SYNE2: variants seen among roughly 807,000 people sequenced by gnomAD.
The protein encoded by SYNE2 is spectrin repeat containing nuclear envelope protein 2, also known as nesprin-2.
In SYNE2, 431 loss-of-function variants were observed where a neutral mutation model predicts 856.3. That is an observed-to-expected ratio of 0.50 (90% CI 0.47 to 0.55). The LOEUF (loss-of-function observed/expected upper bound fraction) is 0.55, where lower values mean the gene tolerates loss of function less well. SYNE2 is among the 20% of genes least tolerant of loss of function. SYNE2 has a pLI of 0.00. For missense variants in SYNE2, 8,129 were observed against 8,023.2 expected, an observed-to-expected ratio of 1.01 and a Z score of -0.50; for synonymous variants, 2,923 against 2,872.3, an observed-to-expected ratio of 1.02 and a Z score of -0.56.
intron 99 of SYNE2, among the ~76,000 whole-genome samples, chr14:64,193,989 G>C (rs2098529622): frequency 1.3e-5 from 2 of 152,200 alleles, no homozygotes; most frequent in African/African-American, 4.8e-5. Context: ...CTTGGGCCCT[G>C]GTGTGGGTAT....
chr14:64,142,804 A>G (rs2098150046), intron 82 of SYNE2, among the ~76,000 whole-genome samples: 1 of 152,182 alleles, frequency 6.6e-6, no homozygotes, highest in African/African-American at 2.4e-5. Context: ...AGATCCTTCT[A>G]CAAATAGATA....
chr14:63,931,183 G>A (rs556243908), intron 2 of SYNE2, among the ~76,000 whole-genome samples: 1 of 152,300 alleles, frequency 6.6e-6, no homozygotes, highest in African/African-American at 2.4e-5. Context: ...TACAGAAAAA[G>A]AGTGCTTTTC....
chr14:63,998,508 G>C (rs544856748), intron 26 of SYNE2, among the ~76,000 whole-genome samples, 180 bp downstream of exon 26: 2 of 152,152 alleles, frequency 1.3e-5, no homozygotes, highest in East Asian at 3.9e-4. Flanking sequence ...ATATTTCTTT[G>C]TGTTATTTTA....
At chr14:63,785,885 C>T (rs1887504111) in intron 1 of SYNE2, among the ~76,000 whole-genome samples, 1 of 152,078 alleles carries the variant, frequency 6.6e-6, no homozygotes. Flanking sequence ...GCAGGAGGAC[C>T]AATCGAGCCC....
intron 1 of SYNE2, among the ~76,000 whole-genome samples, chr14:63,805,371 T>C (rs1286757870): frequency 6.6e-6 from 1 of 152,174 alleles, no homozygotes; most frequent in Non-Finnish European, 1.5e-5. Context: ...TTTTCACTTG[T>C]CTGTGTCACC....
rs564596249 is a variant in SYNE2 at position 64,070,633 on chromosome 14, T to C, written c.10432-12T>C. 3.7e-6 allele frequency: 6 copies of C among 1,608,934 alleles called. No homozygotes were observed. Among genetic ancestry groups the C allele is most frequent in the Non-Finnish European group, 5.1e-6 (6 of 1,176,726 alleles). On this transcript the variant is annotated splice_polypyrimidine_tract_variant and intron_variant, in intron 51 of 115. Transcript: ENST00000555002. ...TTTTACTTATTTTAGTTCTTTTTGTTTTTTGAATTAGATTGAACGAGAGGC... is the reference window on the plus strand; with the variant it reads ...TTTTACTTATTTTAGTTCTTTTTGTCTTTTGAATTAGATTGAACGAGAGGC...
At chr14:64,183,593 G>C (rs1235828544) in intron 96 of SYNE2, among the ~76,000 whole-genome samples, 1 of 152,266 alleles carries the variant, frequency 6.6e-6, no homozygotes, top group East Asian at 1.9e-4. Flanking sequence ...GTAGCGAGCC[G>C]AGATCACGCC....
intron 21 of SYNE2, 88 bp downstream of exon 21, chr14:63,991,203 A>C (rs1394595625): frequency 7.7e-7 from 1 of 1,291,396 alleles, no homozygotes; most frequent in Non-Finnish European, 1.1e-6. Flanking sequence ...CACTGTAATT[A>C]TATACTGAGT....
chr14:64,200,513 G>A lies in SYNE2; in HGVS notation c.18039-2288G>A, dbSNP rs530962381. Among the ~76,000 whole-genome samples, 5 of 152,318 alleles carry A rather than the reference G, an allele frequency of 3.3e-5. No homozygotes were observed. The East Asian group carries it at 9.7e-4, about 29-fold the overall frequency. On this transcript the variant is annotated intron_variant, in intron 99 of 115. Transcript: ENST00000555002. ...TTCTTTTTGGAACCAGGGCAATCAA[G>A]GTGGCAAGATACTGGGGTGAGGAGG... is the stretch of plus-strand genomic sequence containing the variant.
At chr14:63,996,579 G>C (rs1055853928) in intron 23 of SYNE2, among the ~76,000 whole-genome samples, 1 of 151,972 alleles carries the variant, frequency 6.6e-6, no homozygotes, top group African/African-American at 2.4e-5. Context: ...TCCTCTTGGT[G>C]GTCCTTCTGC....
chr14:64,026,214 G>C (rs1283974217), intron 41 of SYNE2, among the ~76,000 whole-genome samples: 1 of 152,166 alleles, frequency 6.6e-6, no homozygotes, highest in African/African-American at 2.4e-5. Flanking sequence ...TTTCCTATGG[G>C]AAGTCATAAG....
chr14:63,928,534 T>TC (rs2095701687), intron 2 of SYNE2, among the ~76,000 whole-genome samples: 1 of 152,232 alleles, frequency 6.6e-6, no homozygotes, highest in South Asian at 2.1e-4. Context: ...TTGTAAATTA[T>TC]CCCTTGCTTT....
At chr14:63,997,273 T>C in intron 24 of SYNE2, 28 bp from the exon 25 acceptor site, 2 of 1,605,160 alleles carry the variant, frequency 1.2e-6, no homozygotes, top group Non-Finnish European at 1.7e-6. Context: ...TACCCTCTTT[T>C]AAACATGCAA....
intron 1 of SYNE2, among the ~76,000 whole-genome samples, chr14:63,842,474 TATTGA>T (rs1890101427): frequency 6.6e-6 from 1 of 151,240 alleles, no homozygotes. Flanking sequence ...TTTTTTTTTT[TATTGA>T]TACAGAGTCT....
In SYNE2 at chr14:64,024,270, T is replaced by C. The variant is rs1266749465; in HGVS notation, c.5651T>C (p.Leu1884Pro). 5.6e-6 allele frequency: 9 copies of C among 1,613,852 alleles called. No homozygotes were observed. Among genetic ancestry groups the C allele is most frequent in the Non-Finnish European group, 7.6e-6 (9 of 1,179,944 alleles). ...KLQKLSDFLT[L>P]EGRNSKIKQV... The stretch of plus-strand genomic sequence containing the variant: ...GTCTTTCTGAAGGATTTCTTGACTC[T>C]TGAAGGAAGAAACAGTAAAATAAAG... The change falls in exon 39 of 116, where the codon CTT (leucine) becomes CCT (proline). Residue 1884 changes from leucine to proline, a missense_variant. This residue lies in a region of SYNE2 where 2,422 missense variants were observed against 2,357.4 expected (regional missense o/e 1.03). Transcript: ENST00000555002.
intron 11 of SYNE2, among the ~76,000 whole-genome samples, chr14:63,973,412 AC>A (rs2054446842): frequency 6.6e-6 from 1 of 151,890 alleles, no homozygotes; most frequent in South Asian, 2.1e-4. Context: ...CGGGCGGATC[AC>A]CTGAGGTCAG....
chr14:64,118,882 T>C (rs1285275671), intron 66 of SYNE2, among the ~76,000 whole-genome samples: 1 of 147,680 alleles, frequency 6.8e-6, no homozygotes, highest in Non-Finnish European at 1.5e-5. Flanking sequence ...AAAAAAAAGA[T>C]TAGGAAGGTA....
At chr14:64,199,256 G>A (rs1376917688) in intron 99 of SYNE2, among the ~76,000 whole-genome samples, 1 of 152,184 alleles carries the variant, frequency 6.6e-6, no homozygotes. Context: ...GCATGTTAGT[G>A]TGTGTGGGAT....
Position 63,890,013 on chromosome 14 carries a change from G to A in SYNE2, c.-51-19085G>A, listed in dbSNP as rs577419658. ...TCCTTCCATCCAGGTATGGGGCAGG[G>A]CCCCTTTCTGGAGTGGTTGGGTCTT... On this transcript the variant is annotated intron_variant, in intron 1 of 115. Transcript: ENST00000555002. Among the ~76,000 whole-genome samples the A allele has an allele frequency of 3.3e-5, 5 of 151,572 alleles. No homozygotes were observed. In the East Asian group the frequency reaches 5.8e-4, roughly 18 times the overall value.
Sources: allele counts gnomAD v4.1 joint callset (sites outside exome capture counted in the v4.1 genomes callset), GRCh38; gene constraint gnomAD v4.1.1; regional missense constraint gnomAD v4.1.1; transcripts MANE v1.5; gene names NCBI Gene and HGNC (gene_info 2026-07-23, HGNC 2026-07-21).